Variants in PLAAT1 observed in about 807,000 individuals in gnomAD.
PLAAT1 encodes the protein H-REV107 protein-related protein.
A neutral mutation model predicts 16.4 loss-of-function variants in PLAAT1; 13 were observed. That is an observed-to-expected ratio of 0.79 (90% CI 0.52 to 1.26). PLAAT1 has a LOEUF of 1.26. Ranked by LOEUF, PLAAT1 falls within the 50% of genes most tolerant of loss-of-function variation. PLAAT1 has a pLI of 0.00. For synonymous variants in PLAAT1, 73 were observed against 78.4 expected (o/e 0.93, Z 0.36); for missense variants, 218 against 207.8 (o/e 1.05, Z -0.30).
intron 2 of PLAAT1, among the ~76,000 whole-genome samples, chr3:193,259,272 A>C (rs1716499479): frequency 6.6e-6 from 1 of 152,172 alleles, no homozygotes; most frequent in Non-Finnish European, 1.5e-5. Context: ...AGACACCCAC[A>C]GCCAACATCA....
intron 1 of PLAAT1, among the ~76,000 whole-genome samples, chr3:193,252,479 G>A (rs578081904): frequency 6.6e-6 from 1 of 152,234 alleles, no homozygotes; most frequent in East Asian, 1.9e-4. Context: ...TATGTGGTTT[G>A]CAAATATTTT....
At chr3:193,264,821 C>T (rs151137062) in intron 3 of PLAAT1, among the ~76,000 whole-genome samples, 1,546 of 152,230 alleles carry the variant, frequency 0.01, 21 homozygotes, top group Non-Finnish European at 0.015. Context: ...CCTATTTGCC[C>T]GTTTTTAAAT....
At chr3:193,274,951 A>G (rs1041418565), downstream of PLAAT1, 142 of 1,508,092 alleles carry the variant, frequency 9.4e-5, no homozygotes, top group African/African-American at 1.6e-3. Context: ...GGAGAGAGGA[A>G]AGGTAAGGGG....
chr3:193,269,147 A>G (rs958271493), intron 3 of PLAAT1, among the ~76,000 whole-genome samples: 5 of 152,066 alleles, frequency 3.3e-5, no homozygotes, highest in South Asian at 4.2e-4. Flanking sequence ...CGCTCCCCCA[A>G]TATGGCATAT....
chr3:193,249,242 C>CT (rs1716101694), intron 1 of PLAAT1, among the ~76,000 whole-genome samples: 1 of 152,040 alleles, frequency 6.6e-6, no homozygotes, highest in African/African-American at 2.4e-5. Flanking sequence ...TTCTCTTTGT[C>CT]TTTAACTTTC....
chr3:193,273,501 A>G (rs1717055275), downstream of PLAAT1, among the ~76,000 whole-genome samples: 1 of 152,224 alleles, frequency 6.6e-6, no homozygotes, highest in Admixed American at 6.5e-5. Context: ...TGAAACATTT[A>G]TCATTCCTAA....
downstream of PLAAT1, chr3:193,281,249 T>G: frequency 1.0e-6 from 1 of 980,504 alleles, no homozygotes; most frequent in Non-Finnish European, 1.2e-6. Flanking sequence ...AAAGGTCTGT[T>G]CTGATGAAGT....
intron 3 of PLAAT1, among the ~76,000 whole-genome samples, chr3:193,264,250 G>T: frequency 6.6e-6 from 1 of 152,224 alleles, no homozygotes. Context: ...TTGGAAAAAT[G>T]TCATCTATAA....
At chr3:193,279,300 G>A, downstream of PLAAT1, 2 of 1,253,930 alleles carry the variant, frequency 1.6e-6, no homozygotes, top group Non-Finnish European at 2.3e-6. Flanking sequence ...ATTGACTTGT[G>A]AATTACAATG....
intron 3 of PLAAT1, among the ~76,000 whole-genome samples, chr3:193,263,496 T>G (rs370381027): frequency 6.8e-6 from 1 of 147,704 alleles, no homozygotes; most frequent in Non-Finnish European, 1.5e-5. Context: ...TACTGCCTTT[T>G]AGTCTTTTTT....
downstream of PLAAT1, chr3:193,281,242 G>T (rs1054084890): frequency 8.7e-5 from 86 of 983,978 alleles, no homozygotes; most frequent in Non-Finnish European, 1.0e-4. Flanking sequence ...ACGCCTGAAA[G>T]GTCTGTTCTG....
chr3:193,263,977 C>G (rs1336366284), intron 3 of PLAAT1, among the ~76,000 whole-genome samples: 1 of 151,956 alleles, frequency 6.6e-6, no homozygotes, highest in Non-Finnish European at 1.5e-5. Flanking sequence ...AAACTATTAT[C>G]AAAAGAAAGT....
chr3:193,240,648 A>C (rs1249617295), upstream of PLAAT1, among the ~76,000 whole-genome samples: 1 of 52,908 alleles, frequency 1.9e-5, no homozygotes, highest in Admixed American at 1.8e-4. Context: ...TGTGCTGGCT[A>C]TCTGGCGTGT....
At chr3:193,265,848 G>A (rs773417593) in intron 3 of PLAAT1, among the ~76,000 whole-genome samples, 60 of 152,190 alleles carry the variant, frequency 3.9e-4, no homozygotes, top group Admixed American at 9.8e-4. Flanking sequence ...TCACTTTTGC[G>A]TTGAAAATTA....
At chr3:193,258,326 A>G (rs1716453693) in intron 2 of PLAAT1, among the ~76,000 whole-genome samples, 1 of 152,180 alleles carries the variant, frequency 6.6e-6, no homozygotes, top group Non-Finnish European at 1.5e-5. Flanking sequence ...AGCTCAGATT[A>G]ACAACCTAAT....
At chr3:193,268,343 C>T (rs558843855) in intron 3 of PLAAT1, among the ~76,000 whole-genome samples, 4 of 152,270 alleles carry the variant, frequency 2.6e-5, no homozygotes, top group Admixed American at 6.5e-5. Flanking sequence ...ACCTGCCACA[C>T]GTCTGTGTCC....
rs1715736601 is a variant in PLAAT1, at chr3:193,241,397, C to T, written c.-137C>T. On this transcript the variant is annotated 5_prime_UTR_variant, in exon 1 of 4. Transcript: ENST00000264735. Reference sequence around the variant, plus strand: ...CCGAGTGATGGCTGGCGCCTGCCTCCCGGGTGTCTCCCGGGTACAGATGGA... The same window carrying T: ...CCGAGTGATGGCTGGCGCCTGCCTCTCGGGTGTCTCCCGGGTACAGATGGA... The T allele has an allele frequency of 2.4e-6, 3 of 1,231,786 alleles. No homozygotes were observed. Among genetic ancestry groups the T allele is most frequent in the Non-Finnish European group, 3.0e-6 (3 of 988,010 alleles). The allele number at this position is 1,231,786 out of a possible 1,614,324, so 76.3% of individuals were successfully genotyped here.
chr3:193,276,953 G>T, intron 2 of PLAAT1: 1 of 725,754 alleles, frequency 1.4e-6, no homozygotes, highest in Non-Finnish European at 2.3e-6. Flanking sequence ...GCATTACTTT[G>T]TCCCTTTACA....
intron 2 of PLAAT1, among the ~76,000 whole-genome samples, chr3:193,261,038 A>C: frequency 6.6e-6 from 1 of 152,194 alleles, no homozygotes; most frequent in Admixed American, 6.5e-5. Context: ...GTATTTTATA[A>C]ATGTTTAAAA....
Sources: gnomAD v4.1 joint callset for allele counts (sites outside exome capture counted in the v4.1 genomes callset) on GRCh38, gnomAD v4.1.1 for gene constraint, MANE v1.5 for transcripts, NCBI Gene and HGNC (gene_info 2026-07-23, HGNC 2026-07-21) for gene names.